Variants in SLC35F4 observed in about 807,000 individuals in gnomAD.
SLC35F4 encodes the protein solute carrier family 35 member F4.
In SLC35F4, 24 loss-of-function variants were observed where a neutral mutation model predicts 44.2. The ratio of observed to expected loss-of-function variants is 0.54; its 90% CI spans 0.39 to 0.76. The LOEUF is 0.76. Among genes scored for constraint, SLC35F4 ranks in the 30% least tolerant of loss-of-function variants. The pLI, the probability that SLC35F4 is intolerant of heterozygous loss-of-function variation, is 0.00. For missense variants in SLC35F4, 562 were observed against 586.1 expected (o/e 0.96, Z 0.42); for synonymous variants, 238 against 223.6 (o/e 1.06, Z -0.57).
chr14:57,710,649 G>A (rs1250013456), intron 1 of SLC35F4, among the ~76,000 whole-genome samples: 2 of 152,132 alleles, frequency 1.3e-5, no homozygotes, highest in Non-Finnish European at 2.9e-5. Flanking sequence ...CATGGGAGTC[G>A]ACCTCTTGCA....
intron 1 of SLC35F4, among the ~76,000 whole-genome samples, chr14:57,921,920 C>T (rs1046390149): frequency 1.3e-5 from 2 of 152,116 alleles, no homozygotes; most frequent in African/African-American, 2.4e-5. Flanking sequence ...CCCGCAACAA[C>T]CACTTTGCAA....
At chr14:57,684,223 G>A (rs905418557) in intron 1 of SLC35F4, among the ~76,000 whole-genome samples, 5 of 152,102 alleles carry the variant, frequency 3.3e-5, no homozygotes, top group African/African-American at 7.2e-5. Flanking sequence ...AACATCCCAC[G>A]CCGCTGCTGG....
In SLC35F4 at chr14:57,577,807, T is replaced by G. The variant is rs544911013; in HGVS notation, c.807+3407A>C. On this transcript the variant is annotated intron_variant, in intron 4 of 7. Coordinates refer to ENST00000556826, the MANE Select transcript of SLC35F4 (RefSeq NM_001306087.2). ...CTGGATTATCACTTTCTAACATTTT[T>G]GCAATCAAAAAATTATCTTTTAAAG... 8.5e-5 allele frequency among the ~76,000 whole-genome samples: 13 copies of G among 152,306 alleles called. No individual in the cohort carries two copies. The South Asian group carries it at 1.9e-3, about 22-fold the overall frequency.
intron 1 of SLC35F4, among the ~76,000 whole-genome samples, chr14:57,894,167 A>C (rs1363146026): frequency 6.6e-6 from 1 of 152,118 alleles, no homozygotes; most frequent in East Asian, 1.9e-4. Context: ...GTTTAGCATT[A>C]GTGTACAGGT....
chr14:57,621,151 C>T (rs1220227577), intron 1 of SLC35F4, among the ~76,000 whole-genome samples: 1 of 151,696 alleles, frequency 6.6e-6, no homozygotes, highest in Non-Finnish European at 1.5e-5. Flanking sequence ...CAAACCACTG[C>T]TCAATGAAAC....
At position 57,566,540 on chromosome 14, in the gene SLC35F4, C is replaced by A. The variant is rs1219012687; in HGVS notation, c.1151G>T (p.Gly384Val). Residue 384 changes from glycine (G) to valine (V), a missense_variant, in exon 7 of 8, where the codon GGG (glycine) becomes GTG (valine). Transcript: ENST00000556826. Reference protein sequence around the residue: ...WLAFNILVNVGVVLTYPILIS... With the variant: ...WLAFNILVNVVVVLTYPILIS... The stretch of plus-strand genomic sequence containing the variant: ...TAGGATTGGGTATGTCAGCACCACC[C>A]CAACATTCACCAGGATGTTGAAGGC... The A allele has an allele frequency of 6.2e-7, 1 of 1,601,394 alleles. No individual in the cohort carries two copies. Among genetic ancestry groups the A allele is most frequent in the Non-Finnish European group, 8.5e-7 (1 of 1,174,054 alleles).
At chr14:57,580,914 G>C (rs1344246553) in intron 4 of SLC35F4, 1 of 235,904 alleles carries the variant, frequency 4.2e-6, no homozygotes, top group African/African-American at 2.3e-5. Context: ...CCTGAGGACA[G>C]AAGGAGGTGA....
chr14:57,749,860 C>T (rs1222372724), intron 1 of SLC35F4, among the ~76,000 whole-genome samples: 2 of 152,206 alleles, frequency 1.3e-5, no homozygotes, highest in Non-Finnish European at 2.9e-5. Context: ...GTATCTCACA[C>T]ATGACTTGCA....
At chr14:57,629,854 C>G (rs879742024) in intron 1 of SLC35F4, 1 of 340,542 alleles carries the variant, frequency 2.9e-6, no homozygotes, top group Non-Finnish European at 5.8e-6. Flanking sequence ...GAGATGCAGA[C>G]AGTTTGCTGA....
At chr14:57,981,340 G>A (rs142426280) in intron 1 of SLC35F4, among the ~76,000 whole-genome samples, 78 of 152,208 alleles carry the variant, frequency 5.1e-4, no homozygotes, top group African/African-American at 1.8e-3. Context: ...ACTTAGCACC[G>A]TCTCTGCAGC....
At chr14:57,747,407 G>A (rs2076784532) in intron 1 of SLC35F4, among the ~76,000 whole-genome samples, 1 of 152,114 alleles carries the variant, frequency 6.6e-6, no homozygotes, top group African/African-American at 2.4e-5. Flanking sequence ...ATTACTAAGG[G>A]TGTTTCTAAT....
chr14:57,666,055 A>G (rs1266136601), intron 1 of SLC35F4, among the ~76,000 whole-genome samples: 1 of 152,198 alleles, frequency 6.6e-6, no homozygotes, highest in Non-Finnish European at 1.5e-5. Context: ...TAATCTGTAC[A>G]ACAGACCCCT....
At chr14:57,790,012 T>C in intron 1 of SLC35F4, among the ~76,000 whole-genome samples, 1 of 152,162 alleles carries the variant, frequency 6.6e-6, no homozygotes, top group East Asian at 1.9e-4. Context: ...ATAAGAGCCA[T>C]TTATGACAAA....
At chr14:57,657,190 G>A (rs1239956497) in intron 1 of SLC35F4, among the ~76,000 whole-genome samples, 2 of 152,184 alleles carry the variant, frequency 1.3e-5, no homozygotes, top group African/African-American at 4.8e-5. Flanking sequence ...TCAAGTGTAT[G>A]TTTTACCCTC....
chr14:57,848,820 A>C (rs964144810), intron 1 of SLC35F4, among the ~76,000 whole-genome samples: 56 of 152,288 alleles, frequency 3.7e-4, no homozygotes, highest in African/African-American at 1.3e-3. Context: ...TAAGCTCAGG[A>C]TTCCTCGACT....
At chr14:57,670,868 G>A (rs1043865593) in intron 1 of SLC35F4, among the ~76,000 whole-genome samples, 1 of 150,898 alleles carries the variant, frequency 6.6e-6, no homozygotes, top group Admixed American at 6.6e-5. Flanking sequence ...AGAAGCTATA[G>A]AGGACACTGG....
intron 7 of SLC35F4, among the ~76,000 whole-genome samples, chr14:57,565,157 A>G (rs984193678): frequency 1.3e-5 from 2 of 152,182 alleles, no homozygotes; most frequent in Non-Finnish European, 2.9e-5. Context: ...AGGCTTCTCT[A>G]CCTTTTTGCT....
chr14:57,647,053 AT>A (rs2073559881), intron 1 of SLC35F4, among the ~76,000 whole-genome samples: 1 of 152,136 alleles, frequency 6.6e-6, no homozygotes, highest in Admixed American at 6.5e-5. Flanking sequence ...TATGTGGTCA[AT>A]TTTGGAATAG....
intron 1 of SLC35F4, among the ~76,000 whole-genome samples, chr14:57,949,156 A>G (rs1003155353): frequency 5.9e-5 from 9 of 152,050 alleles, no homozygotes; most frequent in Non-Finnish European, 1.3e-4. Context: ...TTGTGTTACC[A>G]TCTATCTCAT....
Sources: allele counts gnomAD v4.1 joint callset (sites outside exome capture counted in the v4.1 genomes callset), GRCh38; gene constraint gnomAD v4.1.1; transcripts MANE v1.5; gene names NCBI Gene and HGNC (gene_info 2026-07-23, HGNC 2026-07-21).